The following POLA2 variants were observed in gnomAD, a reference collection of about 807,000 sequenced individuals.
POLA2 encodes the protein DNA polymerase alpha subunit B.
Under a neutral mutation model 82.8 loss-of-function variants are expected in POLA2, and 47 were observed. The ratio of observed to expected loss-of-function variants is 0.57; its 90% CI spans 0.45 to 0.72. The LOEUF is 0.72. Among genes scored for constraint, POLA2 ranks in the 30% least tolerant of loss-of-function variants. POLA2 has a pLI of 0.00. For synonymous variants in POLA2, 287 were observed against 286.8 expected, an observed-to-expected ratio of 1.00 and a Z score of -0.01; for missense variants, 634 against 728.1, an observed-to-expected ratio of 0.87 and a Z score of 1.49.
chr11:65,295,245 G>A (rs986985178), intron 15 of POLA2, among the ~76,000 whole-genome samples: 4 of 152,334 alleles, frequency 2.6e-5, no homozygotes, highest in Admixed American at 2.0e-4. Context: ...TCATGATGGT[G>A]CCAACTTTGC....
Position 65,262,126 on chromosome 11 carries a change from C to A in POLA2, c.-167C>A, listed in dbSNP as rs1299973190. The A allele has an allele frequency of 3.4e-6, 2 of 596,114 alleles. No homozygotes were observed. Among genetic ancestry groups the A allele is most frequent in the Admixed American group, 3.2e-5 (1 of 31,578 alleles). The allele number at this position is 596,114 out of a possible 1,614,324, so 36.9% of individuals were successfully genotyped here. Reference sequence around the variant, plus strand: ...ATTTCTCTGTGACCGACGGCCGGGGCCTTCTGACGGTCTGAGGTCTTGCTT... The same window carrying A: ...ATTTCTCTGTGACCGACGGCCGGGGACTTCTGACGGTCTGAGGTCTTGCTT... On this transcript the variant is annotated 5_prime_UTR_variant, in exon 1 of 18. Coordinates refer to ENST00000265465, the MANE Select transcript of POLA2 (RefSeq NM_002689.4).
Position 65,266,643 on chromosome 11 carries a change from C to T in POLA2, c.141C>T (p.Ala47=), listed in dbSNP as rs770874994. The T allele has an allele frequency of 2.5e-6, 4 of 1,613,864 alleles. No individual in the cohort carries two copies. Among genetic ancestry groups the T allele is most frequent in the Non-Finnish European group, 3.4e-6 (4 of 1,179,842 alleles). Residue 47 remains alanine (A), a synonymous_variant, in exon 2 of 18, where the codon GCC becomes GCT. Coordinates refer to ENST00000265465, the MANE Select transcript of POLA2 (RefSeq NM_002689.4). ...NEEGMVGELI[A]FCTSTHKVGL... is the part of the protein sequence containing the mutation. ...AGGGAATGGTAGGCGAGCTTATAGC[C>T]TTCTGCACCAGCACACATAAAGTTG... is the stretch of plus-strand genomic sequence containing the variant.
rs544256 is a variant in POLA2 at position 65,279,885 on chromosome 11, G to A, written c.744+259G>A. The A allele has an allele frequency of 9.5e-3, 3,697 of 389,544 alleles. 38 individuals carry two copies. The highest frequency in any genetic ancestry group is 0.01 in the Non-Finnish European group (2,205 of 217,704). 24.1% of individuals were successfully genotyped at this position (389,544 alleles called of 1,614,324 possible). On this transcript the variant is annotated intron_variant, in intron 7 of 17. Coordinates refer to ENST00000265465, the MANE Select transcript of POLA2 (RefSeq NM_002689.4). ...GAGACTCAAGGCCTTGTTTCCCTTG[G>A]TGGTGAGTCAGGTAGCTCCCCGGGG...
rs748487364 is a variant in POLA2, at chr11:65,266,702, A to G, written c.200A>G (p.His67Arg). The G allele has an allele frequency of 1.2e-6, 2 of 1,614,034 alleles. No individual in the cohort carries two copies. The highest frequency in any genetic ancestry group is 1.7e-6 in the Non-Finnish European group (2 of 1,179,982). Residue 67 changes from histidine to arginine, a missense_variant, in exon 2 of 18, where the codon CAT becomes CGT. By Grantham distance (29) the His-to-Arg change is conservative (BLOSUM62 0). Coordinates refer to ENST00000265465, the MANE Select transcript of POLA2 (RefSeq NM_002689.4). The part of the protein sequence containing the change: ...LTSEILNSFE[H>R]EFLSKRLSKA... ...TCAGAGATCCTGAACTCTTTTGAGC[A>G]TGAGGTAAGAACAAAATGAAAGCAA...
intron 17 of POLA2, 141 bp from the exon 18 acceptor site, chr11:65,296,979 T>C (rs1327281254): frequency 1.4e-6 from 1 of 706,522 alleles, no homozygotes; most frequent in Non-Finnish European, 2.3e-6. Flanking sequence ...TGACTGAAAA[T>C]GTGTCTGGTG....
intron 5 of POLA2, among the ~76,000 whole-genome samples, chr11:65,277,055 G>T (rs758596741): frequency 2.0e-5 from 3 of 151,932 alleles, no homozygotes; most frequent in Non-Finnish European, 4.4e-5. Context: ...CTCCCAAAGT[G>T]TAGGATGTCA....
At chr11:65,263,733 G>C (rs1198246412) in intron 1 of POLA2, among the ~76,000 whole-genome samples, 1 of 151,790 alleles carries the variant, frequency 6.6e-6, no homozygotes, top group Non-Finnish European at 1.5e-5. Context: ...AGGCTGAGGC[G>C]GAAGAATCGC....
rs1320103316 is a variant in POLA2 at position 65,296,944 on chromosome 11, A to C, written c.1648-176A>C. ...AGCCTGGGCAACAGAGCGAGACTCC[A>C]TCTCAAAAAAAAAAAAAAAAAAAGT... On this transcript the variant is annotated intron_variant, in intron 17 of 17. Coordinates refer to ENST00000265465, the MANE Select transcript of POLA2 (RefSeq NM_002689.4). 3.5e-5 allele frequency among the ~76,000 whole-genome samples: 5 copies of C among 144,642 alleles called. No homozygotes were observed. The East Asian group carries it at 1.0e-3, about 29-fold the overall frequency. The allele number at this position is 144,642 out of a possible 152,430, so 94.9% of individuals were successfully genotyped here. A position where few individuals can be genotyped will look rare whatever the true frequency, so the allele number is the denominator to read the frequency against.
At chr11:65,282,354 C>T in intron 9 of POLA2, 125 bp from the exon 10 acceptor site, 1 of 759,722 alleles carries the variant, frequency 1.3e-6, no homozygotes, top group East Asian at 2.5e-5. Flanking sequence ...TTCCCCTGCC[C>T]TCTCGCTCCT....
chr11:65,271,297 G>C (rs1949518572), intron 4 of POLA2, among the ~76,000 whole-genome samples: 1 of 152,122 alleles, frequency 6.6e-6, no homozygotes, highest in Admixed American at 6.5e-5. Context: ...TCTCTCAATT[G>C]CAATACCAAT....
Position 65,294,603 on chromosome 11 carries a change from T to G in POLA2, c.1411T>G (p.Leu471Val). 6.2e-7 allele frequency: 1 copy of G among 1,614,174 alleles called. No individual in the cohort carries two copies. The highest frequency in any genetic ancestry group is 8.5e-7 in the Non-Finnish European group (1 of 1,180,014). The change falls in exon 15 of 18, where the codon TTG (leucine) becomes GTG (valine). Residue 471 changes from leucine to valine, a missense_variant. Physicochemically the swap from Leu to Val is conservative, Grantham distance 32. Transcript: ENST00000265465. Reference protein sequence around the residue: ...SLSINGVIFGLTSTDLLFHLG... With the variant: ...SLSINGVIFGVTSTDLLFHLG... The stretch of plus-strand genomic sequence containing the variant: ...CTCCATAAACGGAGTGATCTTCGGC[T>G]TGACATCCACAGATCTGCTTTTCCA...
At chr11:65,295,401 T>C (rs1057467975) in intron 15 of POLA2, 139 bp from the exon 16 acceptor site, 6 of 729,414 alleles carry the variant, frequency 8.2e-6, no homozygotes, top group Non-Finnish European at 1.4e-5. Context: ...GTCTTTAAAC[T>C]TCCCCAGAGG....
At chr11:65,291,976 C>G (rs1046940595) in intron 13 of POLA2, among the ~76,000 whole-genome samples, 9 of 152,226 alleles carry the variant, frequency 5.9e-5, no homozygotes, top group African/African-American at 2.2e-4. Context: ...ACGGGGCTCA[C>G]GCCTATAATC....
Position 65,297,438 on chromosome 11 carries a change from G to T in POLA2, c.*169G>T. ...CCAGCAGGGAGGACTTGTGCAGCCG[G>T]GCCTGCCTCTGAGTGGTGCCTCTCC... On this transcript the variant is annotated 3_prime_UTR_variant, in exon 18 of 18. Coordinates refer to ENST00000265465, the MANE Select transcript of POLA2 (RefSeq NM_002689.4). 1.5e-6 allele frequency: 1 copy of T among 682,652 alleles called. No individual in the cohort carries two copies. 42.3% of individuals were successfully genotyped at this position (682,652 alleles called of 1,614,324 possible).
intron 3 of POLA2, 89 bp downstream of exon 3, chr11:65,267,657 T>C (rs1949475993): frequency 1.1e-6 from 1 of 876,336 alleles, no homozygotes. Flanking sequence ...TAAAAACAAA[T>C]AATAAGGCCG....
At chr11:65,294,049 G>A in intron 13 of POLA2, 104 bp from the exon 14 acceptor site, 1 of 908,648 alleles carries the variant, frequency 1.1e-6, no homozygotes, top group Non-Finnish European at 1.9e-6. Flanking sequence ...CTCCCTCGGG[G>A]TGGGCTCTGC....
chr11:65,304,442 C>T (rs1376082231), intron 8 of POLA2, among the ~76,000 whole-genome samples: 8 of 149,334 alleles, frequency 5.4e-5, no homozygotes, highest in Admixed American at 2.7e-4. Context: ...CAACCATCCA[C>T]CCACCCACCC....
downstream of POLA2, among the ~76,000 whole-genome samples, chr11:65,300,404 C>T (rs916279147): frequency 2.0e-5 from 3 of 151,334 alleles, no homozygotes; most frequent in Non-Finnish European, 2.9e-5. Flanking sequence ...CCATATTGGC[C>T]AGGCTGGTCT....
chr11:65,267,872 A>G (rs1436258402), intron 3 of POLA2, among the ~76,000 whole-genome samples: 1 of 151,700 alleles, frequency 6.6e-6, no homozygotes, highest in African/African-American at 2.4e-5. Context: ...GCTCACTGCA[A>G]CCTCTGCCTC....
Sources: allele counts gnomAD v4.1 joint callset (sites outside exome capture counted in the v4.1 genomes callset), GRCh38; gene constraint gnomAD v4.1.1; transcripts MANE v1.5; gene names NCBI Gene and HGNC (gene_info 2026-07-23, HGNC 2026-07-21).